PHYHIPL: variants seen among roughly 807,000 people sequenced by gnomAD.
The protein encoded by PHYHIPL is phytanoyl-CoA 2-hydroxylase interacting protein like.
In PHYHIPL, 9 loss-of-function variants were observed where a neutral mutation model predicts 33.4. The ratio of observed to expected loss-of-function variants is 0.27; its 90% CI spans 0.16 to 0.47. The LOEUF (loss-of-function observed/expected upper bound fraction) is 0.47. Among genes scored for constraint, PHYHIPL ranks in the 20% least tolerant of loss-of-function variants. The probability of loss-of-function intolerance (pLI) is 0.99; values close to 1 mark genes in which losing one functional copy is unlikely to be tolerated. For missense variants in PHYHIPL, 365 were observed against 460.7 expected, an observed-to-expected ratio of 0.79 and a Z score of 1.90; for synonymous variants, 153 against 154.1, an observed-to-expected ratio of 0.99 and a Z score of 0.05.
intron 1 of PHYHIPL, among the ~76,000 whole-genome samples, chr10:59,188,149 G>T (rs1283407554): frequency 2.0e-5 from 3 of 152,300 alleles, no homozygotes; most frequent in Non-Finnish European, 4.4e-5. Flanking sequence ...GTGTCCCAGA[G>T]ATTCTGGTAT....
intron 1 of PHYHIPL, among the ~76,000 whole-genome samples, chr10:59,230,416 T>C (rs902898848): frequency 3.9e-5 from 6 of 151,994 alleles, no homozygotes; most frequent in African/African-American, 1.4e-4. Context: ...TGTTTCGCCA[T>C]GTTGCCTAGG....
At chr10:59,222,163 C>G (rs999464471) in intron 1 of PHYHIPL, among the ~76,000 whole-genome samples, 6 of 151,984 alleles carry the variant, frequency 3.9e-5, no homozygotes, top group Admixed American at 2.6e-4. Context: ...GGATTTCAAA[C>G]AAGCCCAGGA....
chr10:59,179,136 A>G (rs1838331134), intron 1 of PHYHIPL, among the ~76,000 whole-genome samples: 2 of 152,176 alleles, frequency 1.3e-5, no homozygotes, highest in South Asian at 2.1e-4. Flanking sequence ...GGTTGGCTTC[A>G]AAGGGATAAT....
chr10:59,183,587 CT>C (rs1447609721), intron 1 of PHYHIPL: 4 of 924,052 alleles, frequency 4.3e-6, no homozygotes, highest in Non-Finnish European at 5.2e-6. Flanking sequence ...TCACATCCAA[CT>C]TTAAACAACA....
chr10:59,247,252 C>G lies in PHYHIPL; in HGVS notation c.*1661C>G, dbSNP rs1335534770. On this transcript the variant is annotated 3_prime_UTR_variant, in exon 5 of 5. Transcript: ENST00000373880. The stretch of plus-strand genomic sequence containing the variant: ...TAAAATCATGCTCTTTTCCATACAT[C>G]AACATAAACAGTCTTTGGATACTAA... 1 of 178,422 alleles carries G rather than the reference C, an allele frequency of 5.6e-6. No individual in the cohort carries two copies. Among genetic ancestry groups the G allele is most frequent in the Non-Finnish European group, 1.2e-5 (1 of 86,510 alleles). The allele number at this position is 178,422 out of a possible 1,614,324, so 11.1% of individuals were successfully genotyped here.
At chr10:59,226,227 G>A (rs1162940163) in intron 1 of PHYHIPL, among the ~76,000 whole-genome samples, 3 of 152,008 alleles carry the variant, frequency 2.0e-5, no homozygotes, top group African/African-American at 7.2e-5. Flanking sequence ...CACACTGGAA[G>A]AAAATCAGAG....
intron 1 of PHYHIPL, among the ~76,000 whole-genome samples, chr10:59,212,149 G>T (rs1839471531): frequency 6.6e-6 from 1 of 152,108 alleles, no homozygotes; most frequent in Non-Finnish European, 1.5e-5. Context: ...CTGCACTGGT[G>T]CAGGACTCTG....
chr10:59,221,753 T>A, intron 1 of PHYHIPL: 1 of 879,778 alleles, frequency 1.1e-6, no homozygotes, highest in Non-Finnish European at 1.4e-6. Flanking sequence ...CTCAAATCTC[T>A]AAAATCCCTG....
At chr10:59,201,387 C>T (rs1416392279) in intron 1 of PHYHIPL, among the ~76,000 whole-genome samples, 1 of 152,120 alleles carries the variant, frequency 6.6e-6, no homozygotes, top group Non-Finnish European at 1.5e-5. Context: ...TTTCTTAATC[C>T]TGAGTTCTAG....
At position 59,245,440 on chromosome 10, in the gene PHYHIPL, A is replaced by T; in HGVS notation, c.980A>T (p.Asp327Val). The change falls in exon 5 of 5, where the codon GAT becomes GTT. Residue 327 changes from aspartate (D) to valine (V), a missense_variant. Around this residue, in one of 4 missense-constraint regions of PHYHIPL, gnomAD observed 196 missense variants for 224.9 expected, o/e 0.87. Transcript: ENST00000373880. ...DGVLVYHHAQ[D>V]VILEVIYTDP... ...GTGCTGGTTTACCACCATGCCCAGG[A>T]TGTCATTTTAGAAGTCATTTACACT... 6.2e-7 allele frequency: 1 copy of T among 1,614,140 alleles called. No homozygotes were observed. Among genetic ancestry groups the T allele is most frequent in the Non-Finnish European group, 8.5e-7 (1 of 1,180,018 alleles).
At chr10:59,223,107 T>C (rs1255945185) in intron 1 of PHYHIPL, among the ~76,000 whole-genome samples, 1 of 152,228 alleles carries the variant, frequency 6.6e-6, no homozygotes, top group Non-Finnish European at 1.5e-5. Context: ...GCTATCAACA[T>C]AGGAAATTCA....
Position 59,247,301 on chromosome 10 carries a change from C to G in PHYHIPL, c.*1710C>G, listed in dbSNP as rs1052316296. 9 of 277,452 alleles carry G rather than the reference C, an allele frequency of 3.2e-5. No homozygotes were observed. Among genetic ancestry groups the G allele is most frequent in the African/African-American group, 2.1e-4 (9 of 43,568 alleles). The allele number at this position is 277,452 out of a possible 1,614,324, so 17.2% of individuals were successfully genotyped here. ...AAATAAACTTTCCCTAACAAGTGTC[C>G]TAGCTATGTTATTTAGATTTGATAA... On this transcript the variant is annotated 3_prime_UTR_variant, in exon 5 of 5. Transcript: ENST00000373880.
chr10:59,193,012 C>A (rs943401737), intron 1 of PHYHIPL, among the ~76,000 whole-genome samples: 2 of 152,054 alleles, frequency 1.3e-5, no homozygotes, highest in Admixed American at 6.6e-5. Context: ...TGGTAGTACT[C>A]TCTGAGTTAT....
chr10:59,197,283 C>T (rs1211450134), intron 1 of PHYHIPL, among the ~76,000 whole-genome samples: 2 of 152,200 alleles, frequency 1.3e-5, no homozygotes, highest in African/African-American at 4.8e-5. Context: ...CTGGCCATCA[C>T]CAATCTTCTG....
chr10:59,201,601 T>A (rs1839119502), intron 1 of PHYHIPL, among the ~76,000 whole-genome samples: 1 of 151,818 alleles, frequency 6.6e-6, no homozygotes, highest in Admixed American at 6.6e-5. Flanking sequence ...GAGTTCAAGA[T>A]CTCTTCAATA....
chr10:59,237,463 A>AT (rs1210699278), intron 3 of PHYHIPL, among the ~76,000 whole-genome samples: 6 of 151,904 alleles, frequency 3.9e-5, no homozygotes, highest in African/African-American at 1.4e-4. Flanking sequence ...ACTGTTTCCT[A>AT]TAAAAAACTA....
intron 1 of PHYHIPL, among the ~76,000 whole-genome samples, chr10:59,223,453 G>A (rs551355002): frequency 4.6e-5 from 7 of 152,076 alleles, no homozygotes; most frequent in East Asian, 3.9e-4. Context: ...ACACCTTGTT[G>A]TCTGTTTATT....
intron 1 of PHYHIPL, 68 bp downstream of exon 1, chr10:59,177,027 C>G: frequency 7.4e-7 from 1 of 1,344,464 alleles, no homozygotes; most frequent in South Asian, 1.2e-5. Flanking sequence ...CACTCTGGCT[C>G]CGCCGACGCC....
Position 59,222,574 on chromosome 10 carries a change from G to C in PHYHIPL, c.107-11730G>C, listed in dbSNP as rs77371711. 3.1e-4 allele frequency among the ~76,000 whole-genome samples: 47 copies of C among 152,134 alleles called. No individual in the cohort carries two copies. In the East Asian group the frequency reaches 8.7e-3, roughly 28 times the overall value. The stretch of plus-strand genomic sequence containing the variant: ...ACAAAAAGGAGGAGAGCATATTTGA[G>C]AGAGAAGCATGAGGTAATTTAGAGA... On this transcript the variant is annotated intron_variant, in intron 1 of 4. Transcript: ENST00000373880.
Sources: gnomAD v4.1 joint callset for allele counts (sites outside exome capture counted in the v4.1 genomes callset) on GRCh38, gnomAD v4.1.1 for gene constraint, gnomAD v4.1.1 regional missense constraint, MANE v1.5 for transcripts, NCBI Gene and HGNC (gene_info 2026-07-23, HGNC 2026-07-21) for gene names.